The following ZFHX3 variants were observed in gnomAD, a reference collection of about 807,000 sequenced individuals.
ZFHX3 encodes zinc finger homeobox 3.
ZFHX3 carries 42 observed loss-of-function variants against 279.1 expected under a neutral mutation model. The ratio of observed to expected loss-of-function variants is 0.15; its 90% CI spans 0.12 to 0.19. ZFHX3 has a LOEUF of 0.19. Among genes scored for constraint, ZFHX3 ranks in the 10% least tolerant of loss-of-function variants. ZFHX3 has a pLI of 1.00. For synonymous variants in ZFHX3, 2,293 were observed against 1,957.8 expected (o/e 1.17, Z -4.52); for missense variants, 4,981 against 4,754.0 (o/e 1.05, Z -1.40).
intron 1 of ZFHX3, among the ~76,000 whole-genome samples, chr16:73,000,657 C>A (rs949376254): frequency 6.6e-6 from 1 of 152,204 alleles, no homozygotes; most frequent in Non-Finnish European, 1.5e-5. Context: ...CAGAAACACA[C>A]ACTGGATGTT....
intron 7 of ZFHX3, among the ~76,000 whole-genome samples, chr16:72,801,111 T>C (rs546499748): frequency 1.3e-5 from 2 of 152,196 alleles, no homozygotes; most frequent in Non-Finnish European, 2.9e-5. Flanking sequence ...TTGCCTGATA[T>C]GGGGTGGGAA....
chr16:73,862,561 G>A (rs575882212), intron 1 of ZFHX3, among the ~76,000 whole-genome samples: 33 of 152,138 alleles, frequency 2.2e-4, no homozygotes, highest in Non-Finnish European at 4.1e-4. Context: ...GATCCCTTGA[G>A]CCCAGGAGTT....
chr16:73,420,830 A>G (rs1214337686), intron 3 of ZFHX3: 1 of 152,206 alleles, frequency 6.6e-6, no homozygotes, highest in African/African-American at 2.4e-5. Context: ...CTGGTTGTCT[A>G]TGACTCAAAT....
intron 1 of ZFHX3, among the ~76,000 whole-genome samples, chr16:73,704,421 G>A (rs896772891): frequency 1.3e-5 from 2 of 152,080 alleles, no homozygotes; most frequent in African/African-American, 2.4e-5. Flanking sequence ...AATAAAATGA[G>A]GTTGGACATT....
chr16:73,005,339 A>G (rs1409449221), intron 1 of ZFHX3, among the ~76,000 whole-genome samples: 3 of 151,950 alleles, frequency 2.0e-5, no homozygotes, highest in Non-Finnish European at 4.4e-5. Flanking sequence ...TACTAAAAAT[A>G]CAAAAATTAG....
chr16:73,875,154 A>G (rs1256651398), intron 1 of ZFHX3, among the ~76,000 whole-genome samples: 2 of 152,354 alleles, frequency 1.3e-5, no homozygotes, highest in East Asian at 3.9e-4. Context: ...CAAATAACAT[A>G]AAATATTTAG....
chr16:72,893,771 T>C (rs1319974892), intron 3 of ZFHX3, among the ~76,000 whole-genome samples: 1 of 152,084 alleles, frequency 6.6e-6, no homozygotes, highest in Non-Finnish European at 1.5e-5. Flanking sequence ...ACACCTAGGG[T>C]TCTCTCCTAG....
At chr16:73,032,531 C>G (rs1964742824) in intron 1 of ZFHX3, among the ~76,000 whole-genome samples, 1 of 152,170 alleles carries the variant, frequency 6.6e-6, no homozygotes, top group Non-Finnish European at 1.5e-5. Flanking sequence ...TAACAGGAAC[C>G]TAGAAAACTT....
chr16:73,333,283 A>G (rs1265268978), intron 3 of ZFHX3, among the ~76,000 whole-genome samples: 1 of 152,208 alleles, frequency 6.6e-6, no homozygotes, highest in Non-Finnish European at 1.5e-5. Context: ...TTACATAGAT[A>G]GACACGTAGT....
chr16:73,432,332 G>A (rs780572098), intron 3 of ZFHX3, among the ~76,000 whole-genome samples: 40 of 152,138 alleles, frequency 2.6e-4, no homozygotes, highest in Non-Finnish European at 4.4e-4. Flanking sequence ...CCTATTAGGT[G>A]GCTGGAGTTA....
At chr16:73,841,798 T>G (rs1961315392) in intron 1 of ZFHX3, among the ~76,000 whole-genome samples, 1 of 152,088 alleles carries the variant, frequency 6.6e-6, no homozygotes, top group Non-Finnish European at 1.5e-5. Flanking sequence ...CTCAGCAGAG[T>G]GGAGGCTGCC....
At chr16:73,371,348 T>G (rs1029464595) in intron 3 of ZFHX3, among the ~76,000 whole-genome samples, 36 of 152,066 alleles carry the variant, frequency 2.4e-4, no homozygotes, top group African/African-American at 8.2e-4. Flanking sequence ...ATGTTGCATA[T>G]GCAAAGGTTC....
At chr16:73,486,741 T>G (rs2018980078) in intron 2 of ZFHX3, 1 of 452,936 alleles carries the variant, frequency 2.2e-6, no homozygotes, top group Admixed American at 2.4e-5. Flanking sequence ...TGCTCATTTT[T>G]TTTTCTCTTC....
chr16:73,374,711 C>T (rs1255867416), intron 3 of ZFHX3, among the ~76,000 whole-genome samples: 1 of 152,174 alleles, frequency 6.6e-6, no homozygotes, highest in African/African-American at 2.4e-5. Context: ...GGTGAACTTT[C>T]AATCTCTTTT....
chr16:72,951,246 T>C (rs1960983189), intron 2 of ZFHX3, among the ~76,000 whole-genome samples: 1 of 152,094 alleles, frequency 6.6e-6, no homozygotes. Flanking sequence ...AGCCATAGCC[T>C]CTTTAATATT....
intron 2 of ZFHX3, among the ~76,000 whole-genome samples, chr16:72,953,892 T>G (rs115152590): frequency 0.026 from 3,953 of 151,894 alleles, 186 homozygotes; most frequent in African/African-American, 0.09. Flanking sequence ...TAAAATGAAA[T>G]GCAAAGGACA....
chr16:73,296,041 C>G (rs1182495057), intron 4 of ZFHX3, among the ~76,000 whole-genome samples: 1 of 151,498 alleles, frequency 6.6e-6, no homozygotes, highest in African/African-American at 2.4e-5. Context: ...CAGGGAAATT[C>G]ACAGTTCTAG....
At chr16:73,252,772 G>A (rs1208849565) in intron 5 of ZFHX3, among the ~76,000 whole-genome samples, 2 of 152,192 alleles carry the variant, frequency 1.3e-5, no homozygotes, top group African/African-American at 2.4e-5. Flanking sequence ...GCCAGAGAAA[G>A]TCTAGCAGAG....
chr16:72,960,057 G>C lies in ZFHX3; in HGVS notation c.89C>G (p.Thr30Ser), dbSNP rs1961499201. Residue 30 changes from threonine (T) to serine (S), a missense_variant, in exon 2 of 10, where the codon ACC (threonine) becomes AGC (serine). Coordinates refer to ENST00000268489, the MANE Select transcript of ZFHX3 (RefSeq NM_006885.4). ...GCTACTGGGTTTGTCAGGGAGGTGG[G>C]TGCTGTTGAGTTCAGTCCATTGCTG... is the stretch of plus-strand genomic sequence containing the variant. ...QHQQWTELNS[T>S]HLPDKPSSME... 7 of 1,614,056 alleles carry C rather than the reference G, an allele frequency of 4.3e-6. No homozygotes were observed. The highest frequency in any genetic ancestry group is 5.9e-6 in the Non-Finnish European group (7 of 1,179,960).
Sources: gnomAD v4.1 joint callset for allele counts (sites outside exome capture counted in the v4.1 genomes callset) on GRCh38, gnomAD v4.1.1 for gene constraint, MANE v1.5 for transcripts, NCBI Gene and HGNC (gene_info 2026-07-23, HGNC 2026-07-21) for gene names.